Variants in PDLIM7 observed in about 807,000 individuals in gnomAD.
PDLIM7 encodes the protein PDZ and LIM domain 7.
Under a neutral mutation model 53.9 loss-of-function variants are expected in PDLIM7, and 37 were observed. The ratio of observed to expected loss-of-function variants is 0.69; its 90% confidence interval spans 0.53 to 0.90. The LOEUF is 0.90. Among genes scored for constraint, PDLIM7 ranks in the 40% least tolerant of loss-of-function variants. The pLI is 0.00. For missense variants in PDLIM7, 617 were observed against 638.5 expected (o/e 0.97, Z 0.36); for synonymous variants, 300 against 261.3 (o/e 1.15, Z -1.43).
chr5:177,483,527 G>A lies in PDLIM7; in HGVS notation c.*117C>T, dbSNP rs950770692. The A allele has an allele frequency of 1.4e-5, 10 of 710,850 alleles. No homozygotes were observed. The highest frequency in any genetic ancestry group is 1.9e-5 in the South Asian group (1 of 52,840). 44.0% of individuals were successfully genotyped at this position (710,850 alleles called of 1,614,324 possible). On this transcript the variant is annotated 3_prime_UTR_variant, in exon 13 of 13. Coordinates refer to ENST00000355841, the MANE Select transcript of PDLIM7 (RefSeq NM_005451.5). ...TGGGGCAGGGCCCAGGGAGCCCCAG[G>A]CTCGGGCCAGGAGCCAGGGTTAAGG... is the stretch of plus-strand genomic sequence containing the variant.
At position 177,489,500 on chromosome 5, in the gene PDLIM7, C is replaced by T. The variant is rs964332461; in HGVS notation, c.762G>A (p.Pro254=). Residue 254 remains proline, a synonymous_variant, in exon 9 of 13, where the codon CCG becomes CCA. Transcript: ENST00000355841. ...TRHSQPATPT[P]LQSRTSIVQA... is the part of the protein sequence containing the mutation. ...GCACAATGGAGGTGCGGCTCTGCAG[C>T]GGCGTGGGCGTGGCCGGCTGGCTGT... 1.2e-5 allele frequency: 19 copies of T among 1,608,402 alleles called. No homozygotes were observed. Among genetic ancestry groups the T allele is most frequent in the Admixed American group, 1.0e-4 (6 of 59,298 alleles).
At chr5:177,488,659 A>G (rs2127411582) in intron 9 of PDLIM7, among the ~76,000 whole-genome samples, 1 of 152,338 alleles carries the variant, frequency 6.6e-6, no homozygotes, top group African/African-American at 2.4e-5. Flanking sequence ...AGGCCAAGGC[A>G]GGCCTGAGAT....
intron 10 of PDLIM7, among the ~76,000 whole-genome samples, chr5:177,487,097 T>G (rs1473372478): frequency 6.6e-6 from 1 of 151,884 alleles, no homozygotes; most frequent in Non-Finnish European, 1.5e-5. Context: ...CACACCCAGC[T>G]AATTTTTTTA....
chr5:177,487,018 T>C (rs148155263), intron 10 of PDLIM7, among the ~76,000 whole-genome samples: 3 of 122,818 alleles, frequency 2.4e-5, no homozygotes, highest in African/African-American at 9.1e-5. Flanking sequence ...CACTGCAACC[T>C]CCACCTCTCA....
rs1758322362 is a variant in PDLIM7, at chr5:177,484,196, A to G, written c.1051-6T>C. On this transcript the variant is annotated splice_polypyrimidine_tract_variant and splice_region_variant and intron_variant, in intron 10 of 12. Coordinates refer to ENST00000355841, the MANE Select transcript of PDLIM7 (RefSeq NM_005451.5). ...TTCAGGGCGTGCATGATCTCCTGGA[A>G]GGAGGTCCCAGTCACTCGGCAGGCT... 1 of 1,612,708 alleles carries G rather than the reference A, an allele frequency of 6.2e-7. No individual in the cohort carries two copies. The highest frequency in any genetic ancestry group is 8.5e-7 in the Non-Finnish European group (1 of 1,179,908).
intron 7 of PDLIM7, chr5:177,490,559 A>G (rs758214777): frequency 6.4e-7 from 1 of 1,561,624 alleles, no homozygotes; most frequent in Middle Eastern, 2.1e-4. Context: ...AGGCGGGTGT[A>G]GCGTGGGCTC....
intron 2 of PDLIM7, chr5:177,493,034 C>T: frequency 3.8e-6 from 1 of 264,638 alleles, no homozygotes; most frequent in Non-Finnish European, 7.4e-6. Context: ...CAGGCTAAAG[C>T]CCAAGTGTTT....
Position 177,488,099 on chromosome 5 carries a change from C to T in PDLIM7, c.1019G>A (p.Ser340Asn). The change falls in exon 10 of 13, where the codon AGC becomes AAC. Residue 340 changes from serine to asparagine, a missense_variant. Physicochemically the swap from Ser to Asn is conservative, Grantham distance 46 (BLOSUM62 1). Coordinates refer to ENST00000355841, the MANE Select transcript of PDLIM7 (RefSeq NM_005451.5). The stretch of plus-strand genomic sequence containing the variant: ...AATCTTCTTCTTGCACTTGGCACAG[C>T]TGGGTGCATAGCGCACGTCATAGCA... Reference protein sequence around the residue: ...PPCYDVRYAPSCAKCKKKITG... With the variant: ...PPCYDVRYAPNCAKCKKKITG... 6.2e-7 allele frequency: 1 copy of T among 1,609,418 alleles called. No individual in the cohort carries two copies. The highest frequency in any genetic ancestry group is 1.1e-5 in the South Asian group (1 of 90,642).
intron 2 of PDLIM7, among the ~76,000 whole-genome samples, chr5:177,495,797 T>C (rs1759042869): frequency 6.6e-6 from 1 of 152,020 alleles, no homozygotes; most frequent in Non-Finnish European, 1.5e-5. Flanking sequence ...TGGAGCCCTG[T>C]CCTACACTTC....
intron 10 of PDLIM7, among the ~76,000 whole-genome samples, chr5:177,485,397 C>T (rs560604341): frequency 6.6e-6 from 1 of 152,310 alleles, no homozygotes. Context: ...ACATCTGGAG[C>T]AGGCAGAGGG....
At chr5:177,490,203 A>G in intron 7 of PDLIM7, 1 of 1,443,846 alleles carries the variant, frequency 6.9e-7, no homozygotes, top group East Asian at 2.5e-5. Context: ...CCACACCCCA[A>G]ATGCAAACCA....
At chr5:177,491,774 G>T in intron 5 of PDLIM7, 33 bp downstream of exon 5, 1 of 1,048,502 alleles carries the variant, frequency 9.5e-7, no homozygotes, top group South Asian at 3.3e-5. Flanking sequence ...TGGGCCTGAT[G>T]GCGTGGGCGC....
At chr5:177,493,726 C>T (rs1305673185) in intron 2 of PDLIM7, among the ~76,000 whole-genome samples, 2 of 152,088 alleles carry the variant, frequency 1.3e-5, no homozygotes, top group Non-Finnish European at 2.9e-5. Flanking sequence ...TGACTGGGTC[C>T]AAGCCTAAGG....
chr5:177,493,345 G>A (rs918699410), intron 2 of PDLIM7, among the ~76,000 whole-genome samples: 4 of 152,182 alleles, frequency 2.6e-5, no homozygotes, highest in South Asian at 2.1e-4. Context: ...CCAAGCCCTC[G>A]ACTGCCAATT....
chr5:177,494,897 G>A (rs1051149124), intron 2 of PDLIM7: 1 of 152,256 alleles, frequency 6.6e-6, no homozygotes, highest in South Asian at 2.1e-4. Flanking sequence ...GTCAGGGGAG[G>A]GGGAGGGGGC....
intron 2 of PDLIM7, among the ~76,000 whole-genome samples, chr5:177,493,838 G>A (rs543983449): frequency 4.3e-4 from 65 of 152,238 alleles, no homozygotes; most frequent in Admixed American, 2.7e-3. Flanking sequence ...ATCTGGGGGG[G>A]TCCAGGCTGC....
intron 4 of PDLIM7, 82 bp downstream of exon 4, chr5:177,492,323 G>GA: frequency 6.5e-7 from 1 of 1,541,702 alleles, no homozygotes; most frequent in Non-Finnish European, 8.8e-7. Context: ...TTGGGGTACC[G>GA]AGAATGTGCC....
At position 177,483,517 on chromosome 5, in the gene PDLIM7, G is replaced by T; in HGVS notation, c.*127C>A. 1 of 656,750 alleles carries T rather than the reference G, an allele frequency of 1.5e-6. No individual in the cohort carries two copies. The highest frequency in any genetic ancestry group is 2.7e-6 in the Non-Finnish European group (1 of 375,158). The allele number at this position is 656,750 out of a possible 1,614,324, so 40.7% of individuals were successfully genotyped here. Reference sequence around the variant, plus strand: ...ATAAGGTGGGTGGGGCAGGGCCCAGGGAGCCCCAGGCTCGGGCCAGGAGCC... The same window carrying T: ...ATAAGGTGGGTGGGGCAGGGCCCAGTGAGCCCCAGGCTCGGGCCAGGAGCC... On this transcript the variant is annotated 3_prime_UTR_variant, in exon 13 of 13. Transcript: ENST00000355841.
At chr5:177,494,928 C>T (rs1758990061) in intron 2 of PDLIM7, 1 of 152,372 alleles carries the variant, frequency 6.6e-6, no homozygotes, top group South Asian at 2.1e-4. Context: ...CAGAAAAGCC[C>T]ACCTCACCCA....
Sources: gnomAD v4.1 joint callset for allele counts (sites outside exome capture counted in the v4.1 genomes callset) on GRCh38, gnomAD v4.1.1 for gene constraint, MANE v1.5 for transcripts, NCBI Gene and HGNC (gene_info 2026-07-23, HGNC 2026-07-21) for gene names.